LARGE1: variants seen among roughly 807,000 people sequenced by gnomAD.
The protein encoded by LARGE1 is xylosyl- and glucuronyltransferase LARGE1.
LARGE1 carries 43 observed loss-of-function variants against 87.6 expected under a neutral mutation model. The ratio of observed to expected loss-of-function variants is 0.49; its 90% CI spans 0.38 to 0.63. The LOEUF is 0.63. Among genes scored for constraint, LARGE1 ranks in the 30% least tolerant of loss-of-function variants. The pLI, the probability that LARGE1 is intolerant of heterozygous loss-of-function variation, is 0.00. For missense variants in LARGE1, 802 were observed against 1,000.2 expected (o/e 0.80, Z 2.67); for synonymous variants, 434 against 394.6 (o/e 1.10, Z -1.18).
At chr22:33,915,064 G>GAGAGAT (rs2065749029) in intron 1 of LARGE1, among the ~76,000 whole-genome samples, 1 of 149,530 alleles carries the variant, frequency 6.7e-6, no homozygotes, top group East Asian at 2.0e-4. Flanking sequence ...GAGAGAGAGA[G>GAGAGAT]GCTTCTAACT....
At chr22:33,120,392 TTCTTTC>T in the LARGE1 span, among the ~76,000 whole-genome samples, 3 of 97,794 alleles carry the variant, frequency 3.1e-5, no homozygotes, top group East Asian at 7.2e-4. Flanking sequence ...CTTTCTTTCT[TTCTTTC>T]TTTCTTTCTT....
chr22:33,402,942 A>G (rs1002571203), intron 7 of LARGE1, among the ~76,000 whole-genome samples: 1 of 152,196 alleles, frequency 6.6e-6, no homozygotes, highest in East Asian at 1.9e-4. Context: ...AGCAAGTGAC[A>G]ACCCAGATTC....
chr22:33,372,581 C>T lies in LARGE1; in HGVS notation c.1131+9338G>A, dbSNP rs540006870. 1.6e-4 allele frequency among the ~76,000 whole-genome samples: 25 copies of T among 152,154 alleles called. No homozygotes were observed. In the South Asian group the frequency reaches 5.2e-3, roughly 32 times the overall value. On this transcript the variant is annotated intron_variant, in intron 9 of 14. Transcript: ENST00000397394. ...TATAAAACCATCAGATCTCGTAAGACCTATTTACTACCATGAGAAATTTGT... is the reference window on the plus strand; with the variant it reads ...TATAAAACCATCAGATCTCGTAAGATCTATTTACTACCATGAGAAATTTGT...
At chr22:33,813,459 T>A (rs554113969) in intron 1 of LARGE1, among the ~76,000 whole-genome samples, 153 of 152,138 alleles carry the variant, frequency 1.0e-3, no homozygotes, top group African/African-American at 3.4e-3. Context: ...GGAGGACAGA[T>A]GTGTCTGACA....
intron 1 of LARGE1, chr22:33,861,538 A>C (rs570801673): frequency 6.6e-5 from 10 of 152,302 alleles, no homozygotes; most frequent in African/African-American, 2.4e-4. Context: ...TAACCTCACT[A>C]AGCCTCAGGC....
Position 33,385,673 on chromosome 22 carries a change from C to T in LARGE1, c.893-1369G>A, listed in dbSNP as rs1285467296. The stretch of plus-strand genomic sequence containing the variant: ...GAGAAGCAACTATCTACCATCAGGT[C>T]AGTTAGAGCAAGCAGAAAAAGCCCT... On this transcript the variant is annotated intron_variant, in intron 7 of 14. Transcript: ENST00000397394. Among the ~76,000 whole-genome samples the T allele has an allele frequency of 2.0e-5, 3 of 147,292 alleles. 1 individual carries two copies. The highest frequency in any genetic ancestry group is 4.5e-5 in the Non-Finnish European group (3 of 66,162).
At chr22:33,396,132 T>TG (rs2065730864) in intron 7 of LARGE1, among the ~76,000 whole-genome samples, 1 of 152,236 alleles carries the variant, frequency 6.6e-6, no homozygotes, top group African/African-American at 2.4e-5. Context: ...TTTGAACCAG[T>TG]GAAATCCTAT....
At position 33,677,162 on chromosome 22, in the gene LARGE1, C is replaced by G. The variant is rs552335315; in HGVS notation, c.107-26494G>C. 7.4e-4 allele frequency among the ~76,000 whole-genome samples: 112 copies of G among 152,086 alleles called. 2 individuals carry two copies. The highest frequency in any genetic ancestry group is 2.6e-3 in the African/African-American group (108 of 41,502). ...TTAATGCTCAGGTTCTTCTCACCAT[C>G]CCCTGCAGCTAATTGCTTAATAAAT... On this transcript the variant is annotated intron_variant, in intron 2 of 14. Coordinates refer to ENST00000397394, the MANE Select transcript of LARGE1 (RefSeq NM_133642.5).
chr22:33,218,659 AG>A (rs1925321383), intron 11 of LARGE1, among the ~76,000 whole-genome samples: 1 of 152,202 alleles, frequency 6.6e-6, no homozygotes, highest in Non-Finnish European at 1.5e-5. Flanking sequence ...CTGTACATAT[AG>A]TACTATATTT....
intron 2 of LARGE1, among the ~76,000 whole-genome samples, chr22:33,709,978 A>AG (rs1491259985): frequency 2.7e-5 from 3 of 110,598 alleles, no homozygotes; most frequent in South Asian, 2.8e-4. Context: ...TTTGCTAGGC[A>AG]GAAAAAAAAA....
chr22:33,413,820 C>T (rs975915117), intron 7 of LARGE1, among the ~76,000 whole-genome samples: 1 of 152,176 alleles, frequency 6.6e-6, no homozygotes, highest in Non-Finnish European at 1.5e-5. Context: ...GCATAGTGAG[C>T]CCCCATTCAT....
At chr22:33,319,520 C>T (rs527635655) in intron 10 of LARGE1, among the ~76,000 whole-genome samples, 2 of 152,238 alleles carry the variant, frequency 1.3e-5, no homozygotes, top group Admixed American at 6.5e-5. Context: ...CTCAGCCTCC[C>T]GAGTAGCTGT....
In LARGE1 at chr22:33,327,830, A is replaced by C. The variant is rs569816671; in HGVS notation, c.1287+9816T>G. ...AGTGCTGGGATTACAGGTATGAGCC[A>C]CTATTCCCAGCTTGGGCCAAATTTT... is the stretch of plus-strand genomic sequence containing the variant. On this transcript the variant is annotated intron_variant, in intron 10 of 14. Transcript: ENST00000397394. Among the ~76,000 whole-genome samples the C allele has an allele frequency of 2.6e-5, 4 of 152,326 alleles. No homozygotes were observed. In the South Asian group the frequency reaches 8.3e-4, roughly 32 times the overall value.
At chr22:33,703,719 T>C (rs370437464) in intron 2 of LARGE1, among the ~76,000 whole-genome samples, 3 of 152,354 alleles carry the variant, frequency 2.0e-5, no homozygotes, top group East Asian at 3.9e-4. Context: ...GGCAAGGGGA[T>C]GGGATTCTCC....
At chr22:33,091,559 C>CAAATCAAT in the LARGE1 span, among the ~76,000 whole-genome samples, 1 of 140,494 alleles carries the variant, frequency 7.1e-6, no homozygotes, top group Non-Finnish European at 1.5e-5. Flanking sequence ...GACTCCATCT[C>CAAATCAAT]AAATAAATAA....
At chr22:33,280,315 C>CAAAAA (rs58680121) in intron 13 of LARGE1, among the ~76,000 whole-genome samples, 13 of 67,400 alleles carry the variant, frequency 1.9e-4, no homozygotes, top group African/African-American at 5.8e-4. Context: ...GGTAACTCCT[C>CAAAAA]AAAAAAAAAA....
chr22:33,293,900 C>T (rs1396227358), intron 12 of LARGE1, among the ~76,000 whole-genome samples: 1 of 152,218 alleles, frequency 6.6e-6, no homozygotes, highest in Non-Finnish European at 1.5e-5. Flanking sequence ...TCAGCAATGT[C>T]CCCTCACTGT....
chr22:33,793,964 G>T (rs1017379488), intron 1 of LARGE1, among the ~76,000 whole-genome samples: 1 of 151,994 alleles, frequency 6.6e-6, no homozygotes, highest in African/African-American at 2.4e-5. Context: ...GTTTTCATTT[G>T]TAAGTTTTCT....
At chr22:33,339,292 G>A (rs960840136) in intron 9 of LARGE1, among the ~76,000 whole-genome samples, 2 of 152,114 alleles carry the variant, frequency 1.3e-5, no homozygotes, top group Non-Finnish European at 2.9e-5. Flanking sequence ...GTGTTGGGGT[G>A]GGGTGGCTCA....
Sources: gnomAD v4.1 joint callset for allele counts (sites outside exome capture counted in the v4.1 genomes callset) on GRCh38, gnomAD v4.1.1 for gene constraint, MANE v1.5 for transcripts, NCBI Gene and HGNC (gene_info 2026-07-23, HGNC 2026-07-21) for gene names.